EYS: variants seen among roughly 807,000 people sequenced by gnomAD.
The protein encoded by EYS is protein eyes shut homolog.
Under a neutral mutation model 282.1 loss-of-function variants are expected in EYS, and 250 were observed. That is an observed-to-expected ratio of 0.89 (90% CI 0.80 to 0.98). The LOEUF is 0.98. Ranked by LOEUF, EYS falls within the 50% of genes least tolerant of loss-of-function variation. The pLI is 0.00. For missense variants in EYS, 4,016 were observed against 3,709.0 expected (o/e 1.08, Z -2.15); for synonymous variants, 1,355 against 1,282.9 (o/e 1.06, Z -1.20).
At chr6:63,782,472 G>C (rs972788685) in intron 39 of EYS, among the ~76,000 whole-genome samples, 2 of 152,152 alleles carry the variant, frequency 1.3e-5, no homozygotes, top group South Asian at 2.1e-4. Flanking sequence ...TCCTGCTTTA[G>C]TCTTGGGAGG....
intron 2 of EYS, among the ~76,000 whole-genome samples, chr6:65,614,650 T>G (rs1766121294): frequency 6.6e-6 from 1 of 152,070 alleles, no homozygotes; most frequent in South Asian, 2.1e-4. Flanking sequence ...TTAATCTACT[T>G]GGCAAGAAAA....
chr6:64,132,036 GATTA>G (rs1773995848), intron 31 of EYS, among the ~76,000 whole-genome samples: 1 of 152,094 alleles, frequency 6.6e-6, no homozygotes. Flanking sequence ...CTTTTCAGAT[GATTA>G]ATTTTGTTGT....
At chr6:64,197,692 T>C (rs1162410055) in intron 31 of EYS, among the ~76,000 whole-genome samples, 1 of 151,978 alleles carries the variant, frequency 6.6e-6, no homozygotes, top group Admixed American at 6.5e-5. Flanking sequence ...ATATATATTG[T>C]ACCCCTTATC....
intron 1 of EYS, among the ~76,000 whole-genome samples, chr6:65,697,129 C>G (rs1769483470): frequency 6.6e-6 from 1 of 151,778 alleles, no homozygotes; most frequent in African/African-American, 2.4e-5. Flanking sequence ...TGATAATTCA[C>G]TTTGGATAAA....
chr6:65,516,114 A>G (rs890229127), intron 2 of EYS, among the ~76,000 whole-genome samples: 3 of 152,110 alleles, frequency 2.0e-5, no homozygotes, highest in Non-Finnish European at 1.5e-5. Flanking sequence ...TAAGAAAGGT[A>G]TAAAGCATAA....
intron 35 of EYS, among the ~76,000 whole-genome samples, chr6:63,955,855 TC>T (rs1047741702): frequency 2.0e-5 from 3 of 152,154 alleles, no homozygotes; most frequent in Admixed American, 6.5e-5. Context: ...TTTTTCTCCT[TC>T]CCTTATTTGG....
chr6:64,906,894 A>C (rs1562252895), intron 16 of EYS, among the ~76,000 whole-genome samples: 1 of 152,202 alleles, frequency 6.6e-6, no homozygotes, highest in Non-Finnish European at 1.5e-5. Flanking sequence ...GAACATTAGA[A>C]AAGAAATTAT....
intron 26 of EYS, among the ~76,000 whole-genome samples, chr6:64,488,899 A>C (rs988405006): frequency 7.9e-5 from 12 of 151,082 alleles, no homozygotes; most frequent in Non-Finnish European, 1.8e-4. Flanking sequence ...AATACTCGTA[A>C]AGTGATTTGT....
chr6:65,264,420 C>T (rs1582078575), intron 12 of EYS, among the ~76,000 whole-genome samples: 1 of 151,930 alleles, frequency 6.6e-6, no homozygotes, highest in Non-Finnish European at 1.5e-5. Context: ...TTAAAAATAG[C>T]CAGAATTTTG....
At chr6:65,264,101 G>A (rs1415351984) in intron 12 of EYS, among the ~76,000 whole-genome samples, 2 of 151,492 alleles carry the variant, frequency 1.3e-5, no homozygotes, top group Non-Finnish European at 3.0e-5. Context: ...TATTTGGAAT[G>A]TTCTATTTAA....
chr6:64,700,164 C>CA, intron 22 of EYS, among the ~76,000 whole-genome samples: 1 of 152,058 alleles, frequency 6.6e-6, no homozygotes, highest in South Asian at 2.1e-4. Context: ...GCAGAACAAG[C>CA]ATTTGATGAA....
intron 4 of EYS, among the ~76,000 whole-genome samples, chr6:65,494,195 A>G (rs187183594): frequency 8.5e-5 from 13 of 152,048 alleles, no homozygotes; most frequent in Non-Finnish European, 1.6e-4. Flanking sequence ...TAGGATTTGT[A>G]TATGTCCAGA....
intron 14 of EYS, among the ~76,000 whole-genome samples, chr6:64,992,604 C>T (rs1771101758): frequency 1.3e-5 from 2 of 151,836 alleles, no homozygotes; most frequent in Admixed American, 1.3e-4. Context: ...TTAATGAGAA[C>T]TAAATGTGCT....
chr6:64,259,736 T>G (rs1767523215), intron 30 of EYS, among the ~76,000 whole-genome samples: 2 of 151,962 alleles, frequency 1.3e-5, no homozygotes, highest in African/African-American at 2.4e-5. Context: ...CTCTATCCTA[T>G]TGCAATCGTC....
chr6:64,007,444 C>T (rs2149808848), intron 33 of EYS, among the ~76,000 whole-genome samples: 1 of 151,562 alleles, frequency 6.6e-6, no homozygotes, highest in African/African-American at 2.4e-5. Context: ...AAAAGAAACA[C>T]ATAGGTTTTT....
intron 12 of EYS, among the ~76,000 whole-genome samples, chr6:65,283,565 A>G (rs973077590): frequency 2.5e-4 from 38 of 151,910 alleles, no homozygotes; most frequent in Admixed American, 7.2e-4. Context: ...TGTAACACTA[A>G]TCCCATTCTT....
At chr6:64,646,013 G>C (rs1476891334) in intron 22 of EYS, among the ~76,000 whole-genome samples, 1 of 152,138 alleles carries the variant, frequency 6.6e-6, no homozygotes, top group African/African-American at 2.4e-5. Flanking sequence ...CAGTTAACAA[G>C]TTTGAAATAT....
At chr6:65,069,445 G>A (rs1158954079) in intron 12 of EYS, among the ~76,000 whole-genome samples, 2 of 151,810 alleles carry the variant, frequency 1.3e-5, no homozygotes, top group Non-Finnish European at 2.9e-5. Context: ...ATTGTTACAG[G>A]ACATCATTAA....
chr6:64,780,881 A>G (rs1380372631), intron 22 of EYS, among the ~76,000 whole-genome samples: 1 of 152,234 alleles, frequency 6.6e-6, no homozygotes. Context: ...GAATAAATTC[A>G]CAGGCAAAGG....
Sources: allele counts gnomAD v4.1 joint callset (sites outside exome capture counted in the v4.1 genomes callset), GRCh38; gene constraint gnomAD v4.1.1; transcripts MANE v1.5; gene names NCBI Gene and HGNC (gene_info 2026-07-23, HGNC 2026-07-21).